The following NHS variants were observed in gnomAD, a reference collection of about 807,000 sequenced individuals.
NHS encodes NHS actin remodeling regulator.
In NHS, 5 loss-of-function variants were observed where a neutral mutation model predicts 72.5. That is an observed-to-expected ratio of 0.07 (90% CI 0.04 to 0.14). The LOEUF is 0.14. Among genes scored for constraint, NHS ranks in the 10% least tolerant of loss-of-function variants. The pLI is 1.00. For missense variants in NHS, 1,072 were observed against 1,355.7 expected, an observed-to-expected ratio of 0.79 and a Z score of 3.29; for synonymous variants, 464 against 547.7, an observed-to-expected ratio of 0.85 and a Z score of 2.13.
chrX:17,643,999 ATATTT>A (rs1423222620), intron 1 of NHS, among the ~76,000 whole-genome samples: 1 of 112,481 alleles, frequency 8.9e-6, no homozygotes, highest in African/African-American at 3.2e-5. Context: ...TGCAGGGACT[ATATTT>A]TATCTTATCT....
intron 1 of NHS, among the ~76,000 whole-genome samples, chrX:17,580,016 T>C (rs977777276): frequency 9.1e-6 from 1 of 110,370 alleles, no homozygotes; most frequent in Non-Finnish European, 1.9e-5. Context: ...CTGTCTCACA[T>C]CCCCCCATTT....
intron 1 of NHS, among the ~76,000 whole-genome samples, chrX:17,537,053 GAAAGC>G (rs1390762094): frequency 3.6e-5 from 4 of 112,143 alleles, no homozygotes; most frequent in African/African-American, 1.3e-4. Context: ...TTGCCAGATG[GAAAGC>G]AAAGCAAAGA....
chrX:17,508,874 G>T (rs1330977666), intron 1 of NHS, among the ~76,000 whole-genome samples: 1 of 112,182 alleles, frequency 8.9e-6, no homozygotes, highest in Non-Finnish European at 1.9e-5. Flanking sequence ...ATTTGCTTGA[G>T]TACTAGTTTT....
intron 1 of NHS, among the ~76,000 whole-genome samples, chrX:17,652,604 A>C (rs576676724): frequency 1.8e-5 from 2 of 111,407 alleles, no homozygotes; most frequent in African/African-American, 6.5e-5. Context: ...GGATAAGGAG[A>C]GTCTGGTTAA....
chrX:17,388,778 G>C (rs2064423619), intron 1 of NHS, among the ~76,000 whole-genome samples: 1 of 110,267 alleles, frequency 9.1e-6, no homozygotes, highest in Admixed American at 9.8e-5. Flanking sequence ...ATCACTTTGG[G>C]TATTGTGGCA....
chrX:17,582,622 C>A (rs953348452), intron 1 of NHS, among the ~76,000 whole-genome samples: 1 of 111,515 alleles, frequency 9.0e-6, no homozygotes, highest in African/African-American at 3.3e-5. Flanking sequence ...TAGGATACAA[C>A]CTGACTCTGC....
Position 17,410,139 on chromosome X carries a change from G to A in NHS, c.565+33817G>A, listed in dbSNP as rs764599411. Among the ~76,000 whole-genome samples, 5 of 110,433 alleles carry A rather than the reference G, an allele frequency of 4.5e-5. No individual in the cohort carries two copies. In the Admixed American group the frequency reaches 4.9e-4, roughly 11 times the overall value. ...TCAAAGAAACAATTAAAGGCTCTCCGGGTGGCTTATCTCAGATCCACTGAG... is the reference window on the plus strand; with the variant it reads ...TCAAAGAAACAATTAAAGGCTCTCCAGGTGGCTTATCTCAGATCCACTGAG... On this transcript the variant is annotated intron_variant, in intron 1 of 8. Transcript: ENST00000676302.
intron 2 of NHS, among the ~76,000 whole-genome samples, chrX:17,690,062 G>A (rs978046901): frequency 2.7e-5 from 3 of 111,535 alleles, no homozygotes; most frequent in African/African-American, 6.5e-5. Flanking sequence ...GGAAGACTGT[G>A]GAGATGCGTT....
intron 1 of NHS, among the ~76,000 whole-genome samples, chrX:17,645,280 T>A (rs1475210870): frequency 8.9e-6 from 1 of 112,011 alleles, no homozygotes; most frequent in Non-Finnish European, 1.9e-5. Context: ...TCATTGCAAA[T>A]ACATGTTTTC....
intron 1 of NHS, among the ~76,000 whole-genome samples, chrX:17,615,214 A>G (rs1461242877): frequency 2.1e-5 from 2 of 94,246 alleles, no homozygotes; most frequent in African/African-American, 8.8e-5. Flanking sequence ...GTATATATAT[A>G]CGTATATATA....
intron 1 of NHS, among the ~76,000 whole-genome samples, chrX:17,679,591 G>A (rs1160681495): frequency 9.0e-6 from 1 of 110,791 alleles, no homozygotes; most frequent in Non-Finnish European, 1.9e-5. Context: ...CTTGGGAGTG[G>A]GAAGTAGAAG....
intron 1 of NHS, among the ~76,000 whole-genome samples, chrX:17,411,143 T>G (rs2064555945): frequency 1.8e-5 from 2 of 112,484 alleles, no homozygotes; most frequent in Admixed American, 1.9e-4. Context: ...TCATCTCTTA[T>G]TCATTTTTCA....
intron 1 of NHS, among the ~76,000 whole-genome samples, chrX:17,484,511 G>A (rs1016155640): frequency 9.0e-6 from 1 of 111,561 alleles, no homozygotes; most frequent in African/African-American, 3.3e-5. Context: ...CACTAGGGTG[G>A]GTCAGGAGAC....
intron 1 of NHS, among the ~76,000 whole-genome samples, chrX:17,422,329 AGTT>A (rs1371117506): frequency 8.9e-6 from 1 of 111,823 alleles, no homozygotes; most frequent in Non-Finnish European, 1.9e-5. Flanking sequence ...TTGCTAACTG[AGTT>A]GTTGTTAGTT....
At chrX:17,403,151 A>G (rs770909977) in intron 1 of NHS, among the ~76,000 whole-genome samples, 7 of 111,277 alleles carry the variant, frequency 6.3e-5, no homozygotes, top group Non-Finnish European at 1.3e-4. Flanking sequence ...CATATGCTGG[A>G]TGGGGAAAGA....
chrX:17,719,027 AAGG>A (rs1177692713), intron 3 of NHS, among the ~76,000 whole-genome samples: 2 of 93,308 alleles, frequency 2.1e-5, no homozygotes, highest in African/African-American at 7.9e-5. Context: ...AGGAAGAAAA[AAGG>A]AAAGAAGGAG....
intron 1 of NHS, among the ~76,000 whole-genome samples, chrX:17,551,298 G>T (rs1420409216): frequency 1.8e-5 from 2 of 111,982 alleles, no homozygotes. Context: ...TTCCTACAAA[G>T]AATGAAGGGA....
At chrX:17,664,148 C>A (rs12011320) in intron 1 of NHS, among the ~76,000 whole-genome samples, 1 of 110,585 alleles carries the variant, frequency 9.0e-6, no homozygotes, top group Non-Finnish European at 1.9e-5. Context: ...TCCTTACCTG[C>A]CCTGTTTTTT....
intron 3 of NHS, among the ~76,000 whole-genome samples, chrX:17,709,503 G>A (rs1364000523): frequency 9.7e-6 from 1 of 103,286 alleles, no homozygotes; most frequent in Non-Finnish European, 1.9e-5. Flanking sequence ...TGCTTTATCA[G>A]TCAGGCTCCA....
Sources: gnomAD v4.1 joint callset for allele counts (sites outside exome capture counted in the v4.1 genomes callset) on GRCh38, gnomAD v4.1.1 for gene constraint, MANE v1.5 for transcripts, NCBI Gene and HGNC (gene_info 2026-07-23, HGNC 2026-07-21) for gene names.